SGCZ: variants seen among roughly 807,000 people sequenced by gnomAD.
The protein encoded by SGCZ is sarcoglycan zeta, also known as zeta-sarcoglycan.
A neutral mutation model predicts 41.3 loss-of-function variants in SGCZ; 40 were observed. The observed-to-expected ratio is 0.97, with a 90% CI of 0.75 to 1.26. The LOEUF (loss-of-function observed/expected upper bound fraction) is 1.26. SGCZ is among the 50% of genes most tolerant of loss of function. The pLI is 0.00. For synonymous variants in SGCZ, 206 were observed against 137.5 expected (o/e 1.50, Z -3.49); for missense variants, 552 against 369.8 (o/e 1.49, Z -4.04).
intron 2 of SGCZ, among the ~76,000 whole-genome samples, chr8:14,496,081 T>A (rs1354100931): frequency 6.6e-6 from 1 of 152,156 alleles, no homozygotes; most frequent in African/African-American, 2.4e-5. Flanking sequence ...TTTCATTTCT[T>A]AAGGGATAGG....
intron 2 of SGCZ, among the ~76,000 whole-genome samples, chr8:14,402,765 C>G (rs6983685): frequency 1 from 145,967 of 146,232 alleles, 72,855 homozygotes; most frequent in Middle Eastern, 1. Context: ...TTGACTTGGC[C>G]ATGCGGGCTC....
chr8:14,161,622 T>C (rs888195703), intron 5 of SGCZ, among the ~76,000 whole-genome samples: 16 of 152,226 alleles, frequency 1.1e-4, no homozygotes, highest in Admixed American at 9.2e-4. Flanking sequence ...TCATTCTAAG[T>C]ATTATGTTCC....
intron 1 of SGCZ, among the ~76,000 whole-genome samples, chr8:14,956,355 A>G (rs1333189401): frequency 6.6e-6 from 1 of 152,080 alleles, no homozygotes; most frequent in South Asian, 2.1e-4. Context: ...ATTTTTAATA[A>G]AAGTCCCAAT....
chr8:15,010,609 G>A (rs1045991885), intron 1 of SGCZ, among the ~76,000 whole-genome samples: 4 of 152,110 alleles, frequency 2.6e-5, no homozygotes, highest in African/African-American at 9.7e-5. Context: ...ACCACATGAG[G>A]GTTGACTGGA....
chr8:14,882,056 C>T (rs189096010), intron 1 of SGCZ, among the ~76,000 whole-genome samples: 1 of 152,322 alleles, frequency 6.6e-6, no homozygotes, highest in East Asian at 1.9e-4. Flanking sequence ...ACCTGAATTT[C>T]TGGGACGCAG....
At chr8:14,192,457 T>C (rs573894135) in intron 4 of SGCZ, among the ~76,000 whole-genome samples, 1 of 151,996 alleles carries the variant, frequency 6.6e-6, no homozygotes, top group East Asian at 1.9e-4. Flanking sequence ...AAAAGCAATA[T>C]CCCATTAAGA....
chr8:15,172,306 C>G (rs534874661), intron 1 of SGCZ, among the ~76,000 whole-genome samples: 142 of 150,434 alleles, frequency 9.4e-4, no homozygotes, highest in African/African-American at 3.3e-3. Context: ...GGACTACAGG[C>G]GCGCGCCACC....
At chr8:14,687,802 G>A (rs953551550) in intron 1 of SGCZ, among the ~76,000 whole-genome samples, 5 of 151,934 alleles carry the variant, frequency 3.3e-5, no homozygotes, top group African/African-American at 1.2e-4. Context: ...CTAGTTTACA[G>A]TCCCACCAAT....
At chr8:14,952,949 T>C (rs1449918210) in intron 1 of SGCZ, among the ~76,000 whole-genome samples, 1 of 152,116 alleles carries the variant, frequency 6.6e-6, no homozygotes, top group Admixed American at 6.6e-5. Context: ...TGCAAAATTC[T>C]AGAGCAAGAG....
chr8:14,606,253 T>C (rs2117326215), intron 1 of SGCZ, among the ~76,000 whole-genome samples: 1 of 152,312 alleles, frequency 6.6e-6, no homozygotes, highest in Admixed American at 6.5e-5. Context: ...GCCTTTAACA[T>C]ACATGTATAT....
intron 1 of SGCZ, among the ~76,000 whole-genome samples, chr8:15,083,290 T>C (rs999608312): frequency 1.3e-5 from 2 of 152,190 alleles, no homozygotes; most frequent in Admixed American, 1.3e-4. Flanking sequence ...ATAAACCTTA[T>C]AATCAATGTA....
intron 1 of SGCZ, among the ~76,000 whole-genome samples, chr8:14,808,615 C>G (rs1801631994): frequency 6.6e-6 from 1 of 152,282 alleles, no homozygotes; most frequent in East Asian, 1.9e-4. Flanking sequence ...AATAGGAACA[C>G]TTTTACACTG....
At chr8:14,688,375 G>A (rs1215719516) in intron 1 of SGCZ, among the ~76,000 whole-genome samples, 1 of 152,116 alleles carries the variant, frequency 6.6e-6, no homozygotes, top group East Asian at 1.9e-4. Context: ...TTTTGTAGAA[G>A]GTGTAAGGAA....
intron 2 of SGCZ, among the ~76,000 whole-genome samples, chr8:14,448,517 T>G (rs1800499779): frequency 6.6e-6 from 1 of 152,148 alleles, no homozygotes; most frequent in Non-Finnish European, 1.5e-5. Context: ...CTTTTGTCTA[T>G]GGGAATTGCT....
chr8:15,067,177 A>T (rs145890800), intron 1 of SGCZ, among the ~76,000 whole-genome samples: 1,781 of 152,262 alleles, frequency 0.012, 28 homozygotes, highest in African/African-American at 0.041. Flanking sequence ...ATTTATTTCC[A>T]TATAGGATCC....
At chr8:14,443,417 A>G (rs1045317241) in intron 2 of SGCZ, among the ~76,000 whole-genome samples, 2 of 152,160 alleles carry the variant, frequency 1.3e-5, no homozygotes, top group African/African-American at 4.8e-5. Flanking sequence ...ACTATACTAC[A>G]AGGCTACAGT....
chr8:14,281,300 G>A (rs1800424798), intron 3 of SGCZ, among the ~76,000 whole-genome samples: 1 of 151,874 alleles, frequency 6.6e-6, no homozygotes, highest in Non-Finnish European at 1.5e-5. Flanking sequence ...TCATGATTAT[G>A]TGCTAGGCCT....
At chr8:14,990,927 A>G (rs1801994389) in intron 1 of SGCZ, among the ~76,000 whole-genome samples, 2 of 152,120 alleles carry the variant, frequency 1.3e-5, no homozygotes, top group South Asian at 2.1e-4. Flanking sequence ...AGTCCAGCAT[A>G]TGATTTAGAG....
At chr8:14,310,879 C>G (rs1226508286) in intron 3 of SGCZ, among the ~76,000 whole-genome samples, 1 of 152,016 alleles carries the variant, frequency 6.6e-6, no homozygotes, top group Non-Finnish European at 1.5e-5. Flanking sequence ...TCAGGGTAGA[C>G]CAAATTTCAG....
Sources: allele counts gnomAD v4.1 joint callset (sites outside exome capture counted in the v4.1 genomes callset), GRCh38; gene constraint gnomAD v4.1.1; transcripts MANE v1.5; gene names NCBI Gene and HGNC (gene_info 2026-07-23, HGNC 2026-07-21).